NRG1: variants seen among roughly 807,000 people sequenced by gnomAD.
NRG1 encodes neuregulin 1.
NRG1 carries 18 observed loss-of-function variants against 63.8 expected under a neutral mutation model. That is an observed-to-expected ratio of 0.28 (90% CI 0.19 to 0.42). NRG1 has a LOEUF of 0.42. Among genes scored for constraint, NRG1 ranks in the 10% least tolerant of loss-of-function variants. The pLI is 1.00. For missense variants in NRG1, 762 were observed against 814.7 expected, an observed-to-expected ratio of 0.94 and a Z score of 0.79; for synonymous variants, 302 against 301.3, an observed-to-expected ratio of 1.00 and a Z score of -0.02.
At chr8:32,489,894 C>A (rs1466302984) in intron 1 of NRG1, among the ~76,000 whole-genome samples, 1 of 152,168 alleles carries the variant, frequency 6.6e-6, no homozygotes, top group Non-Finnish European at 1.5e-5. Context: ...CCTCATTATT[C>A]TTTATGTGTG....
chr8:31,719,221 A>G (rs898572851), intron 1 of NRG1, among the ~76,000 whole-genome samples: 12 of 152,188 alleles, frequency 7.9e-5, no homozygotes, highest in African/African-American at 2.9e-4. Flanking sequence ...TTTCAGGCAT[A>G]CCTTCTTCCT....
At chr8:31,893,900 A>G (rs1455761859) in intron 1 of NRG1, among the ~76,000 whole-genome samples, 4 of 152,102 alleles carry the variant, frequency 2.6e-5, no homozygotes, top group African/African-American at 9.6e-5. Context: ...AATGTTATTT[A>G]AATTGGTGTC....
chr8:32,355,971 G>A (rs562554219), intron 1 of NRG1, among the ~76,000 whole-genome samples: 1 of 152,246 alleles, frequency 6.6e-6, no homozygotes, highest in East Asian at 1.9e-4. Flanking sequence ...GCGCGTGTGT[G>A]TGTGCGTGTG....
chr8:32,176,915 T>G (rs548644084), intron 1 of NRG1, among the ~76,000 whole-genome samples: 1 of 152,102 alleles, frequency 6.6e-6, no homozygotes, highest in African/African-American at 2.4e-5. Flanking sequence ...TGGAAGTCAG[T>G]GTGGCGATTC....
At chr8:32,467,327 T>G (rs1823193152) in intron 1 of NRG1, among the ~76,000 whole-genome samples, 1 of 152,088 alleles carries the variant, frequency 6.6e-6, no homozygotes, top group Non-Finnish European at 1.5e-5. Flanking sequence ...CATCAGCCTT[T>G]TGTCAGAGCC....
intron 1 of NRG1, among the ~76,000 whole-genome samples, chr8:32,521,129 G>C (rs1392848752): frequency 6.6e-6 from 1 of 152,116 alleles, no homozygotes; most frequent in Admixed American, 6.5e-5. Flanking sequence ...GTAAAAAATA[G>C]TATATATAGG....
intron 1 of NRG1, among the ~76,000 whole-genome samples, chr8:32,427,852 A>G (rs1387118822): frequency 1.3e-5 from 2 of 152,212 alleles, no homozygotes; most frequent in Non-Finnish European, 2.9e-5. Context: ...GTATAAATAC[A>G]ATATGAACAG....
intron 1 of NRG1, among the ~76,000 whole-genome samples, chr8:32,558,391 G>T (rs531647098): frequency 6.6e-6 from 1 of 152,336 alleles, no homozygotes; most frequent in East Asian, 1.9e-4. Context: ...ACATGTTTCA[G>T]TGCCTTCGTT....
intron 1 of NRG1, among the ~76,000 whole-genome samples, chr8:32,057,084 T>A (rs543048175): frequency 3.7e-4 from 57 of 152,182 alleles, no homozygotes; most frequent in Non-Finnish European, 7.4e-4. Context: ...AGATGTCAGC[T>A]TCTTCACCAT....
chr8:32,438,197 C>T (rs1819032967), intron 1 of NRG1, among the ~76,000 whole-genome samples: 1 of 152,158 alleles, frequency 6.6e-6, no homozygotes, highest in Non-Finnish European at 1.5e-5. Flanking sequence ...TGCCCACCCT[C>T]ACCTTAAAAC....
chr8:31,713,199 C>T (rs1811990897), intron 1 of NRG1, among the ~76,000 whole-genome samples: 1 of 146,178 alleles, frequency 6.8e-6, no homozygotes, highest in Admixed American at 7.2e-5. Context: ...TCACTGCAGG[C>T]TCCACCTCCC....
chr8:32,739,514 A>G (rs1049719801), intron 6 of NRG1, among the ~76,000 whole-genome samples: 1 of 152,198 alleles, frequency 6.6e-6, no homozygotes, highest in African/African-American at 2.4e-5. Context: ...TAGTGCACCC[A>G]GTTTTCCGTA....
At chr8:32,517,823 T>C (rs1829980376) in intron 1 of NRG1, among the ~76,000 whole-genome samples, 1 of 152,194 alleles carries the variant, frequency 6.6e-6, no homozygotes. Context: ...TTTCCCACAA[T>C]ATTCATATGA....
At chr8:31,797,819 G>A (rs1821376902) in intron 1 of NRG1, among the ~76,000 whole-genome samples, 1 of 152,160 alleles carries the variant, frequency 6.6e-6, no homozygotes, top group South Asian at 2.1e-4. Context: ...TAAAGAAAAT[G>A]TATGTATACA....
At chr8:32,021,946 A>G (rs10090532) in intron 1 of NRG1, among the ~76,000 whole-genome samples, 2,716 of 152,100 alleles carry the variant, frequency 0.018, 91 homozygotes, top group African/African-American at 0.063. Context: ...ATCCATAGTT[A>G]TCAATGGCAA....
intron 1 of NRG1, among the ~76,000 whole-genome samples, chr8:32,080,012 C>T (rs1254513472): frequency 6.6e-6 from 1 of 151,842 alleles, no homozygotes. Context: ...GCAAAGGGGA[C>T]AAGACTCAGG....
chr8:32,615,639 A>G (rs1199426320), intron 4 of NRG1, among the ~76,000 whole-genome samples: 3 of 152,078 alleles, frequency 2.0e-5, no homozygotes, highest in Admixed American at 6.6e-5. Flanking sequence ...CCTATAATCA[A>G]CATGTCTTTT....
chr8:31,720,686 T>C (rs1473772393), intron 1 of NRG1, among the ~76,000 whole-genome samples: 1 of 152,212 alleles, frequency 6.6e-6, no homozygotes, highest in African/African-American at 2.4e-5. Context: ...TGCTATGAAA[T>C]GGCCTTGGAC....
chr8:32,442,056 T>C (rs1416287458), intron 1 of NRG1, among the ~76,000 whole-genome samples: 3 of 152,188 alleles, frequency 2.0e-5, no homozygotes, highest in Admixed American at 6.5e-5. Flanking sequence ...TTTATCTCAC[T>C]AATGTGTCAT....
Sources: gnomAD v4.1 joint callset for allele counts (sites outside exome capture counted in the v4.1 genomes callset) on GRCh38, gnomAD v4.1.1 for gene constraint, MANE v1.5 for transcripts, NCBI Gene and HGNC (gene_info 2026-07-23, HGNC 2026-07-21) for gene names.